PDZD2: variants seen among roughly 807,000 people sequenced by gnomAD.
PDZD2 encodes the protein PDZ domain-containing protein 2.
A neutral mutation model predicts 220.7 loss-of-function variants in PDZD2; 90 were observed. That is an observed-to-expected ratio of 0.41 (90% CI 0.34 to 0.49). The LOEUF (loss-of-function observed/expected upper bound fraction) is 0.49. PDZD2 is among the 20% of genes least tolerant of loss of function. The pLI, the probability that PDZD2 is intolerant of heterozygous loss-of-function variation, is 0.28. For missense variants in PDZD2, 3,174 were observed against 3,608.5 expected (o/e 0.88, Z 3.08); for synonymous variants, 1,375 against 1,450.5 (o/e 0.95, Z 1.18).
chr5:31,714,185 G>A (rs1748298894), intron 1 of PDZD2, among the ~76,000 whole-genome samples: 1 of 152,220 alleles, frequency 6.6e-6, no homozygotes. Flanking sequence ...GGCTCAGTAA[G>A]TTTTTCCAGG....
chr5:31,985,356 G>A lies in PDZD2; in HGVS notation c.978+1700G>A, dbSNP rs1244387499. Among the ~76,000 whole-genome samples, 3 of 152,240 alleles carry A rather than the reference G, an allele frequency of 2.0e-5. No homozygotes were observed. In the East Asian group the frequency reaches 5.8e-4, roughly 29 times the overall value. On this transcript the variant is annotated intron_variant, in intron 3 of 24. Transcript: ENST00000438447. ...AATCTCACATATAGTCCCAAGAATA[G>A]GCCTTCATTTGACCTAGGACACAGT...
intron 2 of PDZD2, among the ~76,000 whole-genome samples, chr5:31,914,290 G>T (rs945027076): frequency 6.6e-6 from 1 of 152,210 alleles, no homozygotes; most frequent in East Asian, 1.9e-4. Context: ...CCAATACTTT[G>T]GGGGGCTGAG....
At position 31,890,433 on chromosome 5, in the gene PDZD2, C is replaced by G. The variant is rs1008736141; in HGVS notation, c.476+90709C>G. Among the ~76,000 whole-genome samples the G allele has an allele frequency of 2.6e-5, 4 of 152,072 alleles. No individual in the cohort carries two copies. In the East Asian group the frequency reaches 7.7e-4, roughly 29 times the overall value. On this transcript the variant is annotated intron_variant, in intron 2 of 24. Transcript: ENST00000438447. ...CCCTTTGATTTTCACAGCCTGCTCA[C>G]AAGGGACAGAGGTTTGGTAGAGGGT...
At chr5:32,077,304 C>G (rs1044497977) in intron 18 of PDZD2, 158 bp from the exon 19 acceptor site, 1 of 665,558 alleles carries the variant, frequency 1.5e-6, no homozygotes, top group Admixed American at 2.7e-5. Context: ...CATTTAATTC[C>G]TAGCAGACCT....
chr5:31,665,962 C>A (rs1420295138), intron 1 of PDZD2, among the ~76,000 whole-genome samples: 1 of 152,174 alleles, frequency 6.6e-6, no homozygotes, highest in African/African-American at 2.4e-5. Context: ...TTCATTCACA[C>A]GTTCAATTTT....
rs186934100 is a variant in PDZD2, at chr5:32,039,353, C to T, written c.1519+2011C>T. Among the ~76,000 whole-genome samples the T allele has an allele frequency of 2.0e-4, 30 of 151,944 alleles. 1 individual carries two copies. In the East Asian group the frequency reaches 4.1e-3, roughly 21 times the overall value. On this transcript the variant is annotated intron_variant, in intron 7 of 24. Transcript: ENST00000438447. ...AGCTCCTGGCCTCAGGTGATCTGCC[C>T]GCCTCGGCCTCCCCAGGTGCTGGGA...
At chr5:31,863,917 CAG>C (rs1206773093) in intron 2 of PDZD2, among the ~76,000 whole-genome samples, 6 of 152,138 alleles carry the variant, frequency 3.9e-5, no homozygotes, top group Non-Finnish European at 7.4e-5. Context: ...AAATACATAA[CAG>C]ATATATATAT....
In PDZD2 at chr5:31,799,189, G is replaced by C; in HGVS notation, c.-60G>C. ...GGGACCCCAGGGGACGTGGGGCCCTGTGGGGTCTGGCCCCCAGGAGCAAGA... is the reference window on the plus strand; with the variant it reads ...GGGACCCCAGGGGACGTGGGGCCCTCTGGGGTCTGGCCCCCAGGAGCAAGA... On this transcript the variant is annotated 5_prime_UTR_variant, in exon 2 of 25. Coordinates refer to ENST00000438447, the MANE Select transcript of PDZD2 (RefSeq NM_178140.4). 8.5e-7 allele frequency: 1 copy of C among 1,182,422 alleles called. No individual in the cohort carries two copies. The highest frequency in any genetic ancestry group is 1.2e-6 in the Non-Finnish European group (1 of 827,954). The allele number at this position is 1,182,422 out of a possible 1,614,324, so 73.2% of individuals were successfully genotyped here. A position where few individuals can be genotyped will look rare whatever the true frequency, so the allele number is the denominator to read the frequency against.
Position 32,108,151 on chromosome 5 carries a change from A to ATTT in PDZD2, c.*18_*20dup. ...TTCTTCATGAATTTTAACAAGAATC[A>ATTT]TTTTCTCAGTTCTCTTCTTTCTTTA... On this transcript the variant is annotated 3_prime_UTR_variant, in exon 25 of 25. Transcript: ENST00000438447. The ATTT allele has an allele frequency of 6.4e-7, 1 of 1,556,278 alleles. No homozygotes were observed. The highest frequency in any genetic ancestry group is 8.8e-7 in the Non-Finnish European group (1 of 1,137,174).
In PDZD2 at chr5:31,879,728, T is replaced by G. The variant is rs549848873; in HGVS notation, c.476+80004T>G. ...AATTTTTTCCCTTCCAAGGCAGATT[T>G]TAAAACGTTTTCTTCTTAGCTTTTC... is the stretch of plus-strand genomic sequence containing the variant. On this transcript the variant is annotated intron_variant, in intron 2 of 24. Transcript: ENST00000438447. Among the ~76,000 whole-genome samples the G allele has an allele frequency of 1.4e-4, 22 of 152,216 alleles. No individual in the cohort carries two copies. In the East Asian group the frequency reaches 2.3e-3, roughly 16 times the overall value.
At position 31,858,778 on chromosome 5, in the gene PDZD2, G is replaced by C. The variant is rs192233241; in HGVS notation, c.476+59054G>C. 2.4e-4 allele frequency among the ~76,000 whole-genome samples: 36 copies of C among 151,806 alleles called. No homozygotes were observed. In the East Asian group the frequency reaches 6.8e-3, roughly 29 times the overall value. ...CTGTTGCCCAGGCTGGAGTGTAGTG[G>C]CATGATTTCAACTCACTGCAACCTC... On this transcript the variant is annotated intron_variant, in intron 2 of 24. Transcript: ENST00000438447.
At chr5:32,095,326 T>A (rs1328359008) in intron 21 of PDZD2, among the ~76,000 whole-genome samples, 1 of 152,238 alleles carries the variant, frequency 6.6e-6, no homozygotes, top group Non-Finnish European at 1.5e-5. Flanking sequence ...TCTCACTGTC[T>A]TCAGAGAGGA....
At chr5:32,054,410 AC>A (rs1738902946) in intron 10 of PDZD2, among the ~76,000 whole-genome samples, 2 of 141,246 alleles carry the variant, frequency 1.4e-5, no homozygotes, top group South Asian at 4.6e-4. Flanking sequence ...TGCAGCCTCA[AC>A]CCCCTGGGCT....
rs869296191 is a variant in PDZD2, at chr5:31,790,691, ATTTTTTT to A, written c.-360-8179_-360-8173del. Among the ~76,000 whole-genome samples, 239 of 75,510 alleles carry A rather than the reference ATTTTTTT, an allele frequency of 3.2e-3. 1 individual carries two copies. The highest frequency in any genetic ancestry group is 8.9e-3 in the African/African-American group (204 of 22,992). 49.5% of individuals were successfully genotyped at this position (75,510 alleles called of 152,430 possible). On this transcript the variant is annotated intron_variant, in intron 1 of 24. Transcript: ENST00000438447. Reference sequence around the variant, plus strand: ...CTTAGAATCCGCACCTATCTCTCTAATTTTTTTTTTTTTTTTTTTTTTTTTGAGACAG... The same window carrying A: ...CTTAGAATCCGCACCTATCTCTCTAATTTTTTTTTTTTTTTTTTGAGACAG...
At chr5:31,800,985 C>G (rs1422512275) in intron 2 of PDZD2, among the ~76,000 whole-genome samples, 2 of 152,166 alleles carry the variant, frequency 1.3e-5, no homozygotes, top group Non-Finnish European at 2.9e-5. Context: ...TCAGAGCCTC[C>G]CATCAGTGGA....
At chr5:31,963,466 A>G (rs2111715547) in intron 2 of PDZD2, among the ~76,000 whole-genome samples, 1 of 152,116 alleles carries the variant, frequency 6.6e-6, no homozygotes, top group Non-Finnish European at 1.5e-5. Context: ...GGGGCTGTGC[A>G]CACACACACA....
intron 7 of PDZD2, among the ~76,000 whole-genome samples, chr5:32,040,977 C>T (rs1250447550): frequency 1.1e-4 from 16 of 147,976 alleles, no homozygotes; most frequent in Middle Eastern, 3.8e-3. Flanking sequence ...CTGGCCACCC[C>T]GTCTGGGAGG....
rs575688178 is a variant in PDZD2, at chr5:31,777,163, G to A, written c.-360-21726G>A. 3.1e-3 allele frequency among the ~76,000 whole-genome samples: 474 copies of A among 152,276 alleles called. 3 individuals are homozygous for A. Among genetic ancestry groups the A allele is most frequent in the Non-Finnish European group, 5.8e-3 (393 of 68,000 alleles). Reference sequence around the variant, plus strand: ...GCGCTCGCGGGGCAGCGTGAGTTCCGGGTGGGCACGGGCTCGGCAGGCCCG... The same window carrying A: ...GCGCTCGCGGGGCAGCGTGAGTTCCAGGTGGGCACGGGCTCGGCAGGCCCG... On this transcript the variant is annotated intron_variant, in intron 1 of 24. Coordinates refer to ENST00000438447, the MANE Select transcript of PDZD2 (RefSeq NM_178140.4).
chr5:31,961,961 C>A (rs955376314), intron 2 of PDZD2, among the ~76,000 whole-genome samples: 2 of 152,310 alleles, frequency 1.3e-5, no homozygotes, highest in East Asian at 3.9e-4. Flanking sequence ...CTATCCACCA[C>A]CCTGGCTCCA....
Sources: gnomAD v4.1 joint callset for allele counts (sites outside exome capture counted in the v4.1 genomes callset) on GRCh38, gnomAD v4.1.1 for gene constraint, MANE v1.5 for transcripts, NCBI Gene and HGNC (gene_info 2026-07-23, HGNC 2026-07-21) for gene names.